ADH1A: variants seen among roughly 807,000 people sequenced by gnomAD.
ADH1A encodes alcohol dehydrogenase 1A (class I), alpha polypeptide.
ADH1A carries 29 observed loss-of-function variants against 35.2 expected under a neutral mutation model. The observed-to-expected ratio is 0.82, with a 90% CI of 0.61 to 1.12. The LOEUF is 1.12. Among genes scored for constraint, ADH1A ranks in the 50% most tolerant of loss-of-function variants. The pLI, the probability that ADH1A is intolerant of heterozygous loss-of-function variation, is 0.00. For synonymous variants in ADH1A, 147 were observed against 164.8 expected, an observed-to-expected ratio of 0.89 and a Z score of 0.83; for missense variants, 469 against 464.7, an observed-to-expected ratio of 1.01 and a Z score of -0.09.
At chr4:99,280,075 C>A (rs1432815528) in intron 7 of ADH1A, 69 bp downstream of exon 7, 11 of 1,595,900 alleles carry the variant, frequency 6.9e-6, no homozygotes, top group Non-Finnish European at 8.6e-6. Flanking sequence ...AAAACCTTGC[C>A]TTGTCACTTG....
At chr4:99,283,277 C>T (rs1733050730) in intron 5 of ADH1A, among the ~76,000 whole-genome samples, 1 of 152,142 alleles carries the variant, frequency 6.6e-6, no homozygotes, top group Admixed American at 6.5e-5. Flanking sequence ...CTTAGATCAC[C>T]TGTTAAAATA....
rs1733027946 is a variant in ADH1A, at chr4:99,282,355, A to G, written c.819T>C (p.Leu273=). 6.2e-7 allele frequency: 1 copy of G among 1,614,080 alleles called. No homozygotes were observed. The highest frequency in any genetic ancestry group is 1.7e-5 in the Admixed American group (1 of 60,006). ...VDFSFEVIGR[L]DTMMASLLCC... Reference sequence around the variant, plus strand: ...ATGTCATGGTACATACCATGGTGTCAAGCCGACCGATGACTTCAAATGAAA... The same window carrying G: ...ATGTCATGGTACATACCATGGTGTCGAGCCGACCGATGACTTCAAATGAAA... Residue 273 remains leucine (L), a synonymous_variant, in exon 6 of 9, where the codon CTT becomes CTC. Transcript: ENST00000209668.
intron 8 of ADH1A, chr4:99,278,518 C>T (rs1043930079): frequency 1.3e-5 from 2 of 152,092 alleles, no homozygotes; most frequent in Non-Finnish European, 2.9e-5. Flanking sequence ...AGGTAAGACA[C>T]TTAGTAGAAC....
chr4:99,280,349 C>G, intron 6 of ADH1A, 70 bp from the exon 7 acceptor site: 1 of 1,601,346 alleles, frequency 6.2e-7, no homozygotes, highest in Non-Finnish European at 8.5e-7. Context: ...TGCACAATAT[C>G]ATGTAATAGG....
intron 7 of ADH1A, 105 bp from the exon 8 acceptor site, chr4:99,279,669 G>T (rs1732949669): frequency 2.3e-6 from 3 of 1,330,522 alleles, no homozygotes; most frequent in African/African-American, 3.0e-5. Context: ...GCTGCTTCCA[G>T]ACTGCAACGA....
Position 99,282,375 on chromosome 4 carries a change from A to G in ADH1A, c.799T>C (p.Phe267Leu). Residue 267 changes from phenylalanine to leucine, a missense_variant, in exon 6 of 9, where the codon TTT becomes CTT. Physicochemically the swap from Phe to Leu is conservative, Grantham distance 22. Transcript: ENST00000209668. ...EMTDGGVDFS[F>L]EVIGRLDTMM... ...GTGTCAAGCCGACCGATGACTTCAA[A>G]TGAAAAATCCACACCTCCATCAGTC... 6.2e-7 allele frequency: 1 copy of G among 1,614,178 alleles called. No homozygotes were observed. The highest frequency in any genetic ancestry group is 1.1e-5 in the South Asian group (1 of 91,080).
chr4:99,280,409 CT>C lies in ADH1A; in HGVS notation c.829-131del, dbSNP rs1732973059. 3 of 1,463,302 alleles carry C rather than the reference CT, an allele frequency of 2.1e-6. No individual in the cohort carries two copies. The Admixed American group carries it at 6.3e-5, about 31-fold the overall frequency. The allele number at this position is 1,463,302 out of a possible 1,614,324, so 90.6% of individuals were successfully genotyped here. ...AGGGAAGAGATTATGTCTTTTGCTC[CT>C]TCAGTCCCCTTTTTTGCACGGGATA... On this transcript the variant is annotated intron_variant, in intron 6 of 8. Transcript: ENST00000209668.
chr4:99,280,885 C>G (rs538790391), intron 6 of ADH1A, among the ~76,000 whole-genome samples: 8 of 152,048 alleles, frequency 5.3e-5, no homozygotes, highest in Non-Finnish European at 1.2e-4. Flanking sequence ...CTCAAAAGAC[C>G]GTTCAGAAAG....
chr4:99,282,257 T>C (rs1359397219), intron 6 of ADH1A, 89 bp downstream of exon 6: 30 of 1,611,148 alleles, frequency 1.9e-5, no homozygotes, highest in Non-Finnish European at 2.3e-5. Context: ...ATTAAAAATA[T>C]CCTTTATACA....
intron 1 of ADH1A, among the ~76,000 whole-genome samples, chr4:99,290,438 T>G (rs1370116919): frequency 6.6e-6 from 1 of 152,192 alleles, no homozygotes; most frequent in Non-Finnish European, 1.5e-5. Flanking sequence ...GTTAAAAGGG[T>G]ATTTCAAAGT....
chr4:99,288,331 A>T (rs1407450300), intron 1 of ADH1A, among the ~76,000 whole-genome samples: 1 of 147,278 alleles, frequency 6.8e-6, no homozygotes, highest in African/African-American at 2.5e-5. Flanking sequence ...CAAAGGTTAG[A>T]GTTGGGTGTG....
intron 7 of ADH1A, among the ~76,000 whole-genome samples, 165 bp downstream of exon 7, chr4:99,279,979 C>T (rs537141225): frequency 6.6e-6 from 1 of 152,114 alleles, no homozygotes; most frequent in Non-Finnish European, 1.5e-5. Context: ...GATTTTGGGA[C>T]CTTCTGCCTG....
chr4:99,286,170 A>C lies in ADH1A; in HGVS notation c.259+680T>G, dbSNP rs1372494661. 2.0e-5 allele frequency among the ~76,000 whole-genome samples: 3 copies of C among 152,174 alleles called. No homozygotes were observed. The East Asian group carries it at 5.8e-4, about 29-fold the overall frequency. ...ATTTATGTGAAAATGATAGTATGGAAGTGTCCTAGTTATTCTCCCTTTATA... is the reference window on the plus strand; with the variant it reads ...ATTTATGTGAAAATGATAGTATGGACGTGTCCTAGTTATTCTCCCTTTATA... On this transcript the variant is annotated intron_variant, in intron 3 of 8. Coordinates refer to ENST00000209668, the MANE Select transcript of ADH1A (RefSeq NM_000667.4).
intron 8 of ADH1A, among the ~76,000 whole-genome samples, chr4:99,276,954 T>G (rs1270743672): frequency 6.6e-6 from 1 of 152,190 alleles, no homozygotes; most frequent in Non-Finnish European, 1.5e-5. Context: ...ATAAGGAATA[T>G]AAAACAACAA....
rs1733106844 is a variant in ADH1A, at chr4:99,284,820, C to A, written c.260-17G>T. 2 of 1,604,184 alleles carry A rather than the reference C, an allele frequency of 1.2e-6. No homozygotes were observed. The highest frequency in any genetic ancestry group is 3.3e-5 in the Admixed American group (2 of 59,892). On this transcript the variant is annotated splice_polypyrimidine_tract_variant and intron_variant, in intron 3 of 8. Coordinates refer to ENST00000209668, the MANE Select transcript of ADH1A (RefSeq NM_000667.4). ...CTTTATCACCTGGAGAGGGATAAAA[C>A]AAATTCTTTTACAATTTCTATCCAG...
chr4:99,287,436 A>G (rs1733180378), intron 2 of ADH1A, 128 bp downstream of exon 2: 1 of 908,702 alleles, frequency 1.1e-6, no homozygotes, highest in Non-Finnish European at 1.6e-6. Flanking sequence ...AAAAATTTAT[A>G]TTTATACCTT....
chr4:99,279,610 G>C, intron 7 of ADH1A, 46 bp from the exon 8 acceptor site: 2 of 1,571,930 alleles, frequency 1.3e-6, no homozygotes, highest in Non-Finnish European at 1.7e-6. Context: ...AGGGTAAGTA[G>C]GAGAATTGAA....
intron 8 of ADH1A, among the ~76,000 whole-genome samples, chr4:99,277,328 A>T (rs1732894129): frequency 6.6e-6 from 1 of 152,112 alleles, no homozygotes; most frequent in African/African-American, 2.4e-5. Context: ...TAATTCTAAG[A>T]TACTTCATTC....
intron 6 of ADH1A, 22 bp from the exon 7 acceptor site, chr4:99,280,301 G>C (rs375546922): frequency 6.2e-7 from 1 of 1,612,372 alleles, no homozygotes; most frequent in Non-Finnish European, 8.5e-7. Flanking sequence ...TGAACACTTA[G>C]CATTCTTAAC....
Sources: allele counts gnomAD v4.1 joint callset (sites outside exome capture counted in the v4.1 genomes callset), GRCh38; gene constraint gnomAD v4.1.1; transcripts MANE v1.5; gene names NCBI Gene and HGNC (gene_info 2026-07-23, HGNC 2026-07-21).